NECAB1: variants seen among roughly 807,000 people sequenced by gnomAD.
NECAB1 encodes the protein N-terminal EF-hand calcium-binding protein 1.
NECAB1 carries 29 observed loss-of-function variants against 57.5 expected under a neutral mutation model. That is an observed-to-expected ratio of 0.50 (90% CI 0.38 to 0.69). The LOEUF (loss-of-function observed/expected upper bound fraction) is 0.69, where lower values mean the gene tolerates loss of function less well. NECAB1 is among the 30% of genes least tolerant of loss of function. The pLI is 0.00. For synonymous variants in NECAB1, 142 were observed against 147.7 expected (o/e 0.96, Z 0.28); for missense variants, 372 against 413.8 (o/e 0.90, Z 0.88).
intron 5 of NECAB1, among the ~76,000 whole-genome samples, chr8:90,903,090 G>A (rs999998624): frequency 2.0e-5 from 3 of 151,792 alleles, no homozygotes; most frequent in Non-Finnish European, 4.4e-5. Flanking sequence ...GCAAATAACT[G>A]ATTTAAAATG....
At chr8:90,904,975 G>A (rs1224248984) in intron 5 of NECAB1, among the ~76,000 whole-genome samples, 1 of 152,138 alleles carries the variant, frequency 6.6e-6, no homozygotes, top group African/African-American at 2.4e-5. Context: ...TTTTAGTATA[G>A]AAGAAAATAG....
intron 5 of NECAB1, among the ~76,000 whole-genome samples, chr8:90,900,757 A>G (rs968651609): frequency 1.6e-4 from 25 of 152,348 alleles, no homozygotes; most frequent in African/African-American, 5.8e-4. Context: ...TTTGTAAGAA[A>G]TAATCAAGAT....
chr8:90,922,308 A>C (rs1221465382), intron 6 of NECAB1, among the ~76,000 whole-genome samples: 1 of 152,066 alleles, frequency 6.6e-6, no homozygotes, highest in Non-Finnish European at 1.5e-5. Context: ...TTCCTTCTTG[A>C]CTTGAAAGTT....
At chr8:90,880,571 G>A (rs1808818808) in intron 4 of NECAB1, among the ~76,000 whole-genome samples, 1 of 150,168 alleles carries the variant, frequency 6.7e-6, no homozygotes, top group Non-Finnish European at 1.5e-5. Flanking sequence ...CAGTTACATA[G>A]AAGGTGCCAC....
intron 3 of NECAB1, among the ~76,000 whole-genome samples, chr8:90,853,492 G>A (rs1414410397): frequency 2.6e-5 from 4 of 152,248 alleles, no homozygotes; most frequent in African/African-American, 7.2e-5. Context: ...AACTGAACTT[G>A]AGAATGATTG....
At chr8:90,923,782 T>G (rs1459661101) in intron 6 of NECAB1, among the ~76,000 whole-genome samples, 1 of 152,160 alleles carries the variant, frequency 6.6e-6, no homozygotes, top group African/African-American at 2.4e-5. Context: ...GAAATTATGA[T>G]TGCAAAAATT....
intron 4 of NECAB1, among the ~76,000 whole-genome samples, chr8:90,874,607 A>G (rs868301290): frequency 6.6e-6 from 1 of 152,182 alleles, no homozygotes; most frequent in Non-Finnish European, 1.5e-5. Context: ...TCCAACAGTG[A>G]GATTATACTA....
In NECAB1 at chr8:90,791,803, A is replaced by C; in HGVS notation, c.-84A>C. ...CCGGATCCAGAGCCCGGCGGCGGCG[A>C]AGCAGCAGCTGCGGCCGCGCCCTTG... On this transcript the variant is annotated 5_prime_UTR_variant, in exon 1 of 13. Coordinates refer to ENST00000417640, the MANE Select transcript of NECAB1 (RefSeq NM_022351.5). 4 of 1,122,644 alleles carry C rather than the reference A, an allele frequency of 3.6e-6. No homozygotes were observed. The highest frequency in any genetic ancestry group is 5.1e-6 in the Non-Finnish European group (4 of 780,428). 69.5% of individuals were successfully genotyped at this position (1,122,644 alleles called of 1,614,324 possible).
chr8:90,909,885 A>G (rs1563529845), intron 5 of NECAB1, among the ~76,000 whole-genome samples: 1 of 151,892 alleles, frequency 6.6e-6, no homozygotes. Flanking sequence ...TTCTAGTGTT[A>G]TTTTCCTTTG....
chr8:90,797,062 T>C (rs1190563255), intron 1 of NECAB1, among the ~76,000 whole-genome samples: 2 of 152,232 alleles, frequency 1.3e-5, no homozygotes, highest in African/African-American at 4.8e-5. Flanking sequence ...ATGCGTTTCA[T>C]GTCTCCCTGA....
intron 4 of NECAB1, among the ~76,000 whole-genome samples, chr8:90,878,287 T>C (rs1384807308): frequency 6.6e-6 from 1 of 152,204 alleles, no homozygotes; most frequent in Non-Finnish European, 1.5e-5. Flanking sequence ...TTTTCACCTT[T>C]GTATTCCAAG....
chr8:90,938,423 A>G (rs1220788487), intron 9 of NECAB1, among the ~76,000 whole-genome samples: 2 of 152,218 alleles, frequency 1.3e-5, no homozygotes, highest in Non-Finnish European at 2.9e-5. Flanking sequence ...CAGGCTGTGT[A>G]TTTGACACAA....
intron 10 of NECAB1, among the ~76,000 whole-genome samples, chr8:90,943,219 A>G (rs1810719036): frequency 6.6e-6 from 1 of 152,206 alleles, no homozygotes; most frequent in Non-Finnish European, 1.5e-5. Flanking sequence ...CAATAACCAC[A>G]ATAAATTGCT....
chr8:90,827,496 A>G (rs1358799238), intron 3 of NECAB1, among the ~76,000 whole-genome samples: 1 of 151,982 alleles, frequency 6.6e-6, no homozygotes, highest in East Asian at 1.9e-4. Flanking sequence ...CATTTTCTTG[A>G]ACTTGTTTAA....
chr8:90,828,861 C>G (rs141295414), intron 3 of NECAB1, among the ~76,000 whole-genome samples: 56 of 152,046 alleles, frequency 3.7e-4, no homozygotes, highest in African/African-American at 1.3e-3. Context: ...CAAAGTATTG[C>G]TGAAAACTTT....
chr8:90,844,375 A>G (rs1036214204), intron 3 of NECAB1, among the ~76,000 whole-genome samples: 11 of 152,120 alleles, frequency 7.2e-5, no homozygotes, highest in African/African-American at 2.2e-4. Flanking sequence ...CTGCTCTCAG[A>G]TCCTAAGGGT....
At chr8:90,865,906 G>T (rs1189609925) in intron 3 of NECAB1, among the ~76,000 whole-genome samples, 1 of 152,138 alleles carries the variant, frequency 6.6e-6, no homozygotes. Context: ...AGTTTAGTTG[G>T]TATCTGCAGC....
intron 5 of NECAB1, among the ~76,000 whole-genome samples, chr8:90,882,175 C>G (rs1390904829): frequency 1.3e-5 from 2 of 152,030 alleles, no homozygotes; most frequent in Non-Finnish European, 2.9e-5. Flanking sequence ...AAAGACCATA[C>G]AAGAATTAAC....
At chr8:90,888,693 C>T (rs2129933216) in intron 5 of NECAB1, among the ~76,000 whole-genome samples, 1 of 152,182 alleles carries the variant, frequency 6.6e-6, no homozygotes, top group Admixed American at 6.6e-5. Flanking sequence ...AAAATAAGTA[C>T]ATCCAAAAGA....
Sources: allele counts gnomAD v4.1 joint callset (sites outside exome capture counted in the v4.1 genomes callset), GRCh38; gene constraint gnomAD v4.1.1; transcripts MANE v1.5; gene names NCBI Gene and HGNC (gene_info 2026-07-23, HGNC 2026-07-21).